CHLSN: variants seen among roughly 807,000 people sequenced by gnomAD.
CHLSN encodes the protein protein cholesin.
the CHLSN span, among the ~76,000 whole-genome samples, chr7:1,038,861 C>CGT: frequency 1.5e-5 from 1 of 68,056 alleles, no homozygotes; most frequent in Non-Finnish European, 3.1e-5. Context: ...CCTGGCCAGC[C>CGT]GCCCTGTCCG....
At chr7:1,019,052 G>A in the CHLSN span, among the ~76,000 whole-genome samples, 6 of 152,008 alleles carry the variant, frequency 3.9e-5, no homozygotes, top group East Asian at 1.9e-4. Context: ...AAAATTAGCC[G>A]GGCATGGTGG....
chr7:1,137,241 C>T, the CHLSN span: 128 of 153,184 alleles, frequency 8.4e-4, 2 homozygotes, highest in South Asian at 0.024. Context: ...CTGGAATGTT[C>T]TGGTGCCTCA....
the CHLSN span, among the ~76,000 whole-genome samples, chr7:1,053,278 TC>T: frequency 6.6e-6 from 1 of 152,160 alleles, no homozygotes; most frequent in Non-Finnish European, 1.5e-5. Flanking sequence ...GCCCAGGCCA[TC>T]CCCCTCACTC....
the CHLSN span, among the ~76,000 whole-genome samples, chr7:1,075,534 T>A: frequency 3.0e-4 from 44 of 149,006 alleles, no homozygotes; most frequent in Non-Finnish European, 5.9e-4. Context: ...AAAAAAAAAA[T>A]TAAAAAAAAA....
the CHLSN span, among the ~76,000 whole-genome samples, chr7:1,069,645 T>G: frequency 9.0e-6 from 1 of 110,910 alleles, no homozygotes; most frequent in Non-Finnish European, 1.8e-5. Context: ...TCTCGTTCAC[T>G]CAGTGCTCAA....
At chr7:1,114,302 G>T in the CHLSN span, among the ~76,000 whole-genome samples, 8 of 152,260 alleles carry the variant, frequency 5.3e-5, no homozygotes, top group Non-Finnish European at 8.8e-5. Context: ...TAAGTGCCAC[G>T]ATCTGTCAGG....
the CHLSN span, among the ~76,000 whole-genome samples, chr7:1,009,016 TACACATGCACACACGTAC>T: frequency 2.2e-5 from 3 of 134,902 alleles, no homozygotes; most frequent in African/African-American, 9.4e-5. Flanking sequence ...CACACACACA[TACACATGCACACACGTAC>T]ACACATGCAC....
At chr7:978,604 C>T in the CHLSN span, among the ~76,000 whole-genome samples, 3 of 152,322 alleles carry the variant, frequency 2.0e-5, 1 homozygote, top group East Asian at 5.8e-4. Context: ...CCACCCGGAT[C>T]CCCAGAGCCT....
chr7:1,020,140 C>T, the CHLSN span, among the ~76,000 whole-genome samples: 1 of 142,474 alleles, frequency 7.0e-6, no homozygotes, highest in Admixed American at 7.8e-5. Context: ...CCCAGCAGTG[C>T]ATGGATGCGG....
the CHLSN span, among the ~76,000 whole-genome samples, chr7:1,041,228 C>CGCGCTGCGGGGAAGGGGACCTGGGCTCT: frequency 2.1e-4 from 30 of 145,466 alleles, 4 homozygotes; most frequent in African/African-American, 6.9e-4. Context: ...ACCTGGGCTC[C>CGCGCTGCGGGGAAGGGGACCTGGGCTCT]GCGCTGCGGG....
the CHLSN span, among the ~76,000 whole-genome samples, chr7:1,135,800 T>G: frequency 1.6e-5 from 2 of 123,262 alleles, no homozygotes; most frequent in African/African-American, 3.1e-5. Context: ...TATACACAAT[T>G]TATTTATTTA....
the CHLSN span, among the ~76,000 whole-genome samples, chr7:978,305 C>T: frequency 6.6e-6 from 1 of 152,120 alleles, no homozygotes; most frequent in Admixed American, 6.6e-5. Context: ...ACCACTTGAG[C>T]CCAGGAGTTT....
chr7:983,039 C>A, the CHLSN span, among the ~76,000 whole-genome samples: 1 of 151,938 alleles, frequency 6.6e-6, no homozygotes, highest in African/African-American at 2.4e-5. Flanking sequence ...CCACATTCCA[C>A]GCAGGCCTGC....
At chr7:1,070,576 A>G in the CHLSN span, among the ~76,000 whole-genome samples, 16,392 of 148,462 alleles carry the variant, frequency 0.11, 1,067 homozygotes, top group Middle Eastern at 0.21. Flanking sequence ...ACACGCAAAC[A>G]CGCACACACG....
the CHLSN span, among the ~76,000 whole-genome samples, chr7:1,126,982 G>C: frequency 2.0e-4 from 30 of 152,136 alleles, no homozygotes; most frequent in African/African-American, 6.5e-4. Flanking sequence ...TCACCATCCT[G>C]CATGCCGCCA....
chr7:987,012 G>A, the CHLSN span: 10 of 1,399,486 alleles, frequency 7.1e-6, no homozygotes, highest in Middle Eastern at 2.5e-4. Flanking sequence ...CCAGATCACC[G>A]GGGCATCCAT....
chr7:1,090,054 A>G, the CHLSN span, among the ~76,000 whole-genome samples: 1 of 151,846 alleles, frequency 6.6e-6, no homozygotes, highest in East Asian at 1.9e-4. Flanking sequence ...ACTGCACTCC[A>G]ACCTGGGTGA....
At chr7:979,693 A>G in the CHLSN span, among the ~76,000 whole-genome samples, 222 of 151,992 alleles carry the variant, frequency 1.5e-3, no homozygotes, top group Admixed American at 2.8e-3. Flanking sequence ...CGGAGGTTGC[A>G]GTGAACTCCA....
At chr7:991,492 G>T in the CHLSN span, among the ~76,000 whole-genome samples, 213 of 152,284 alleles carry the variant, frequency 1.4e-3, no homozygotes, top group African/African-American at 5.0e-3. Context: ...GGAGGGAAGG[G>T]GGGGGCCGAG....
Sources: allele counts gnomAD v4.1 joint callset (sites outside exome capture counted in the v4.1 genomes callset), GRCh38; gene constraint gnomAD v4.1.1; transcripts MANE v1.5; gene names NCBI Gene and HGNC (gene_info 2026-07-23, HGNC 2026-07-21).